Variants in ZNF124 observed in about 807,000 individuals in gnomAD.
ZNF124 encodes zinc finger protein HZF-16.
A neutral mutation model predicts 26.6 loss-of-function variants in ZNF124; 25 were observed. The ratio of observed to expected loss-of-function variants is 0.94; its 90% confidence interval spans 0.68 to 1.31. The LOEUF is 1.31. Among genes scored for constraint, ZNF124 ranks in the 40% most tolerant of loss-of-function variants. The pLI, the probability that ZNF124 is intolerant of heterozygous loss-of-function variation, is 0.00. For missense variants in ZNF124, 444 were observed against 422.2 expected, an observed-to-expected ratio of 1.05 and a Z score of -0.45; for synonymous variants, 129 against 133.3, an observed-to-expected ratio of 0.97 and a Z score of 0.22.
At chr1:247,141,981 C>T (rs1672640408) in intron 3 of ZNF124, among the ~76,000 whole-genome samples, 1 of 152,224 alleles carries the variant, frequency 6.6e-6, no homozygotes, top group Non-Finnish European at 1.5e-5. Flanking sequence ...AGAACTTCTA[C>T]ACCATGGACT....
Position 247,156,222 on chromosome 1 carries a change from G to A in ZNF124, c.*344C>T, listed in dbSNP as rs1673123239. 9.9e-7 allele frequency: 1 copy of A among 1,013,810 alleles called. No individual in the cohort carries two copies. Among genetic ancestry groups the A allele is most frequent in the South Asian group, 4.6e-5 (1 of 21,816 alleles). 62.8% of individuals were successfully genotyped at this position (1,013,810 alleles called of 1,614,324 possible). The stretch of plus-strand genomic sequence containing the variant: ...CCATGTGTCTCTGAGTGAGTTATAG[G>A]ATAAATGAAGGCATTCTCACATTCG... On this transcript the variant is annotated 3_prime_UTR_variant, in exon 4 of 4. Transcript: ENST00000543802.
intron 3 of ZNF124, among the ~76,000 whole-genome samples, chr1:247,133,756 C>T (rs1350376651): frequency 1.3e-5 from 2 of 149,974 alleles, no homozygotes; most frequent in African/African-American, 5.0e-5. Context: ...CAGGTTCAAG[C>T]GATTCTCCCA....
intron 3 of ZNF124, chr1:247,138,711 C>CT (rs1672550582): frequency 5.0e-6 from 2 of 398,510 alleles, no homozygotes; most frequent in Admixed American, 4.4e-5. Flanking sequence ...AGACCCAAAA[C>CT]TTACTAGAGT....
chr1:247,123,946 T>C lies in ZNF124; in HGVS notation c.219-75A>G, dbSNP rs548502246. 743 of 701,038 alleles carry C rather than the reference T, an allele frequency of 1.1e-3. 3 individuals are homozygous for C. The African/African-American group carries it at 0.011, about 11-fold the overall frequency. 43.4% of individuals were successfully genotyped at this position (701,038 alleles called of 1,614,324 possible). ...TCCCTTCCTGTATTTATGCCCTTTG[T>C]GATGTGCTTTTAGCTGGGACTACAG... On this transcript the variant is annotated intron_variant, in intron 3 of 3. Transcript: ENST00000472531.
At position 247,156,311 on chromosome 1, in the gene ZNF124, C is replaced by T; in HGVS notation, c.*255G>A. The stretch of plus-strand genomic sequence containing the variant: ...ATACCATCAAATACCACTGGAACAA[C>T]TGCAGGCCTTACCACATTTTAAACA... On this transcript the variant is annotated 3_prime_UTR_variant, in exon 4 of 4. Coordinates refer to ENST00000543802, the MANE Select transcript of ZNF124 (RefSeq NM_001297568.2). The T allele has an allele frequency of 8.4e-7, 1 of 1,187,326 alleles. No homozygotes were observed. Among genetic ancestry groups the T allele is most frequent in the East Asian group, 3.9e-5 (1 of 25,754 alleles). 73.5% of individuals were successfully genotyped at this position (1,187,326 alleles called of 1,614,324 possible).
chr1:247,159,985 T>TG (rs1230814929), intron 1 of ZNF124, 172 bp from the exon 2 acceptor site: 15 of 489,502 alleles, frequency 3.1e-5, no homozygotes, highest in Admixed American at 5.8e-5. Flanking sequence ...AGTTCTTTTT[T>TG]TTTTTTTTTT....
chr1:247,172,320 TATA>T (rs1254844392), upstream of ZNF124, among the ~76,000 whole-genome samples: 5 of 152,116 alleles, frequency 3.3e-5, no homozygotes, highest in African/African-American at 7.2e-5. Context: ...TAGGAAACAA[TATA>T]ATAATAATTC....
In ZNF124 at chr1:247,156,606, G is replaced by A. The variant is rs905675338; in HGVS notation, c.1016C>T (p.Thr339Ile). Reference sequence around the variant, plus strand: ...TTTATAGGGCTTTTCTCCAGTATGAGTTTTTTTATGCTTCCAAAGGGTACT... The same window carrying A: ...TTTATAGGGCTTTTCTCCAGTATGAATTTTTTTATGCTTCCAAAGGGTACT... ...RASTLWKHKK[T>I]HTGEKPYKCK... is the part of the protein sequence containing the mutation. The change falls in exon 4 of 4, where the codon ACT (threonine) becomes ATT (isoleucine). Residue 339 changes from threonine (T) to isoleucine (I), a missense_variant. Coordinates refer to ENST00000543802, the MANE Select transcript of ZNF124 (RefSeq NM_001297568.2). 3 of 1,561,834 alleles carry A rather than the reference G, an allele frequency of 1.9e-6. No individual in the cohort carries two copies. The highest frequency in any genetic ancestry group is 1.2e-5 in the South Asian group (1 of 81,788).
At chr1:247,165,067 T>C (rs4542247) in intron 1 of ZNF124, among the ~76,000 whole-genome samples, 45,854 of 151,906 alleles carry the variant, frequency 0.3, 8,728 homozygotes, top group African/African-American at 0.53. Flanking sequence ...CCCCGGTTCA[T>C]GCCATTCTCC....
downstream of ZNF124, chr1:247,150,008 T>G (rs1489279147): frequency 6.6e-6 from 1 of 152,222 alleles, no homozygotes; most frequent in Non-Finnish European, 1.5e-5. Flanking sequence ...TCAAGTCCTT[T>G]TATGAAGTCA....
intron 3 of ZNF124, among the ~76,000 whole-genome samples, chr1:247,148,936 C>T (rs574772119): frequency 1.6e-4 from 24 of 151,898 alleles, no homozygotes; most frequent in African/African-American, 5.6e-4. Flanking sequence ...TGCCACTGCA[C>T]TCCAGCCTGG....
At chr1:247,154,194 G>A (rs544396141), downstream of ZNF124, among the ~76,000 whole-genome samples, 1 of 152,254 alleles carries the variant, frequency 6.6e-6, no homozygotes, top group African/African-American at 2.4e-5. Flanking sequence ...TAATTCCCAC[G>A]TGTCAAGGGC....
downstream of ZNF124, among the ~76,000 whole-genome samples, chr1:247,151,338 G>T (rs1162803135): frequency 6.6e-6 from 1 of 152,058 alleles, no homozygotes; most frequent in African/African-American, 2.4e-5. Flanking sequence ...AATTAGCCGG[G>T]CGTGGTGGCG....
rs1388301586 is a variant in ZNF124, at chr1:247,158,991, G to T, written c.218+15C>A. 1 of 1,610,902 alleles carries T rather than the reference G, an allele frequency of 6.2e-7. No homozygotes were observed. The highest frequency in any genetic ancestry group is 1.1e-5 in the South Asian group (1 of 90,626). On this transcript the variant is annotated intron_variant, in intron 3 of 3. Coordinates refer to ENST00000543802, the MANE Select transcript of ZNF124 (RefSeq NM_001297568.2). ...ACCCCAAGGGGGACTGCTTCCTCTT[G>T]TGAGGGCAAATTACCTTAGATTTCT...
At chr1:247,146,893 G>GT (rs1672794862) in intron 3 of ZNF124, among the ~76,000 whole-genome samples, 1 of 151,666 alleles carries the variant, frequency 6.6e-6, no homozygotes, top group Non-Finnish European at 1.5e-5. Context: ...ACTAGAACAG[G>GT]TACCGGGGGG....
intron 3 of ZNF124, among the ~76,000 whole-genome samples, 181 bp downstream of exon 3, chr1:247,158,825 T>A (rs536084938): frequency 1.3e-5 from 2 of 152,232 alleles, no homozygotes; most frequent in South Asian, 4.1e-4. Flanking sequence ...GACGGGTTTT[T>A]GCCGTGTTGG....
intron 3 of ZNF124, among the ~76,000 whole-genome samples, chr1:247,125,308 T>C (rs1023203205): frequency 6.6e-6 from 1 of 152,132 alleles, no homozygotes; most frequent in African/African-American, 2.4e-5. Context: ...ATGGTACCTC[T>C]ATGTTTGAAT....
downstream of ZNF124, among the ~76,000 whole-genome samples, chr1:247,153,184 T>C (rs1672996918): frequency 6.6e-6 from 1 of 151,994 alleles, no homozygotes; most frequent in African/African-American, 2.4e-5. Context: ...TGACCATTAG[T>C]TTCACCCTTA....
chr1:247,169,507 A>G (rs1389421567), intron 1 of ZNF124, among the ~76,000 whole-genome samples: 2 of 152,098 alleles, frequency 1.3e-5, no homozygotes, highest in Non-Finnish European at 2.9e-5. Context: ...ATTGGATTGG[A>G]TGACACCAGT....
Sources: allele counts gnomAD v4.1 joint callset (sites outside exome capture counted in the v4.1 genomes callset), GRCh38; gene constraint gnomAD v4.1.1; transcripts MANE v1.5; gene names NCBI Gene and HGNC (gene_info 2026-07-23, HGNC 2026-07-21).